The following CDH12 variants were observed in gnomAD, a reference collection of about 807,000 sequenced individuals.
The protein encoded by CDH12 is cadherin-12.
Under a neutral mutation model 74.1 loss-of-function variants are expected in CDH12, and 41 were observed. The observed-to-expected ratio is 0.55, with a 90% CI of 0.43 to 0.72. CDH12 has a LOEUF of 0.72. Among genes scored for constraint, CDH12 ranks in the 30% least tolerant of loss-of-function variants. The probability of loss-of-function intolerance (pLI) is 0.00; values close to 1 mark genes in which losing one functional copy is unlikely to be tolerated. For missense variants in CDH12, 945 were observed against 977.2 expected, an observed-to-expected ratio of 0.97 and a Z score of 0.44; for synonymous variants, 399 against 355.0, an observed-to-expected ratio of 1.12 and a Z score of -1.39.
intron 4 of CDH12, among the ~76,000 whole-genome samples, chr5:22,109,078 A>T (rs905167703): frequency 6.6e-6 from 1 of 152,162 alleles, no homozygotes; most frequent in Non-Finnish European, 1.5e-5. Context: ...AATACTACCT[A>T]CTTTATAAGG....
intron 1 of CDH12, among the ~76,000 whole-genome samples, chr5:22,610,264 G>GA (rs1737329214): frequency 6.6e-6 from 1 of 152,174 alleles, no homozygotes; most frequent in Admixed American, 6.5e-5. Context: ...TGTCTTGGAA[G>GA]ATAGGCTCTT....
intron 1 of CDH12, among the ~76,000 whole-genome samples, chr5:22,682,061 T>C (rs1363448560): frequency 6.6e-6 from 1 of 152,094 alleles, no homozygotes; most frequent in East Asian, 1.9e-4. Context: ...TTCCCAGTAA[T>C]GGAATCACCT....
At chr5:22,731,084 C>A (rs964281815) in intron 1 of CDH12, among the ~76,000 whole-genome samples, 4 of 151,786 alleles carry the variant, frequency 2.6e-5, no homozygotes, top group African/African-American at 7.2e-5. Flanking sequence ...TGGCCTTAAG[C>A]TTTACCACAC....
intron 5 of CDH12, among the ~76,000 whole-genome samples, chr5:22,045,602 C>CAAAA (rs34753862): frequency 0.011 from 1,273 of 112,828 alleles, 10 homozygotes; most frequent in Non-Finnish European, 0.019. Context: ...ACTATTCAGC[C>CAAAA]AAAAAAAAAA....
At chr5:22,369,298 A>C (rs1031808525) in intron 3 of CDH12, among the ~76,000 whole-genome samples, 30 of 152,326 alleles carry the variant, frequency 2.0e-4, no homozygotes, top group East Asian at 7.7e-4. Flanking sequence ...TTTTTAAAGA[A>C]ATATTAAAAT....
intron 2 of CDH12, among the ~76,000 whole-genome samples, chr5:22,498,723 G>C (rs981434864): frequency 1.1e-4 from 17 of 151,562 alleles, no homozygotes; most frequent in Admixed American, 7.2e-4. Context: ...TAATTGACAC[G>C]TAATAATTGT....
chr5:22,050,260 A>G (rs752527017), intron 5 of CDH12, among the ~76,000 whole-genome samples: 7 of 151,880 alleles, frequency 4.6e-5, no homozygotes, highest in Non-Finnish European at 8.8e-5. Context: ...TTCCCCACCT[A>G]TCTTCCCAAC....
chr5:21,806,759 G>T (rs1019577262), intron 9 of CDH12, among the ~76,000 whole-genome samples: 11 of 152,222 alleles, frequency 7.2e-5, no homozygotes, highest in African/African-American at 2.7e-4. Flanking sequence ...AGTGAGGGAA[G>T]TCTAGCATGG....
intron 1 of CDH12, among the ~76,000 whole-genome samples, chr5:22,554,950 T>C (rs1303396820): frequency 6.6e-6 from 1 of 152,096 alleles, no homozygotes; most frequent in East Asian, 1.9e-4. Context: ...TTAAAATTAG[T>C]ACAAAAAGCT....
chr5:22,401,064 C>T (rs888865468), intron 3 of CDH12, among the ~76,000 whole-genome samples: 3 of 152,122 alleles, frequency 2.0e-5, no homozygotes, highest in South Asian at 2.1e-4. Flanking sequence ...ATTATATCTG[C>T]ATTCTTCGTT....
At position 21,751,909 on chromosome 5, in the gene CDH12, G is replaced by T; in HGVS notation, c.2213C>A (p.Thr738Lys). Reference protein sequence around the residue: ...PTAPPYDSLATYAYEGSGSVA... With the variant: ...PTAPPYDSLAKYAYEGSGSVA... ...GGACCCACTCCCTTCGTAGGCATAT[G>T]TGGCCAGTGAATCGTATGGTGGGGC... Residue 738 changes from threonine to lysine, a missense_variant, in exon 15 of 15, where the codon ACA (threonine) becomes AAA (lysine). Coordinates refer to ENST00000382254, the MANE Select transcript of CDH12 (RefSeq NM_004061.5). 1 of 1,614,074 alleles carries T rather than the reference G, an allele frequency of 6.2e-7. No individual in the cohort carries two copies.
At chr5:22,580,165 T>A (rs1397300703) in intron 1 of CDH12, 1 of 284,232 alleles carries the variant, frequency 3.5e-6, no homozygotes, top group Non-Finnish European at 7.0e-6. Context: ...AGGAAGAGGA[T>A]CCAGATGAGG....
At position 22,359,269 on chromosome 5, in the gene CDH12, G is replaced by T. The variant is rs556075535; in HGVS notation, c.-333+45988C>A. On this transcript the variant is annotated intron_variant, in intron 3 of 14. Transcript: ENST00000382254. Reference sequence around the variant, plus strand: ...GCAAATGGAAAACAAAAAAAGGCAGGGGTTGCAATCCTAGTCTCTGAAAAA... The same window carrying T: ...GCAAATGGAAAACAAAAAAAGGCAGTGGTTGCAATCCTAGTCTCTGAAAAA... Among the ~76,000 whole-genome samples the T allele has an allele frequency of 2.0e-5, 3 of 152,146 alleles. No homozygotes were observed. In the South Asian group the frequency reaches 6.2e-4, roughly 32 times the overall value.
intron 3 of CDH12, among the ~76,000 whole-genome samples, chr5:22,231,521 G>T (rs1326866514): frequency 6.6e-6 from 1 of 151,902 alleles, no homozygotes; most frequent in East Asian, 1.9e-4. Flanking sequence ...AAATGCTAGT[G>T]CCAAAATAAC....
At position 21,854,741 on chromosome 5, in the gene CDH12, A is replaced by G. The variant is rs1356395904; in HGVS notation, c.576T>C (p.Tyr192=). The change falls in exon 7 of 15, where the codon TAT becomes TAC. Residue 192 remains tyrosine, a synonymous_variant. Coordinates refer to ENST00000382254, the MANE Select transcript of CDH12 (RefSeq NM_004061.5). ...VKATDADDPT[Y]GNSARVVYSI... is the part of the protein sequence containing the mutation. ...TGTAAACGACTCTGGCACTGTTTCC[A>G]TAGGTCGGGTCATCTGCATCTGTGG... 2.5e-6 allele frequency: 4 copies of G among 1,609,642 alleles called. No individual in the cohort carries two copies. The Admixed American group carries it at 6.7e-5, about 27-fold the overall frequency.
At position 21,802,217 on chromosome 5, in the gene CDH12, G is replaced by C; in HGVS notation, c.1206C>G (p.Ile402Met). 6.2e-7 allele frequency: 1 copy of C among 1,613,886 alleles called. No individual in the cohort carries two copies. The highest frequency in any genetic ancestry group is 1.1e-5 in the South Asian group (1 of 91,086). Residue 402 changes from isoleucine (I) to methionine (M), a missense_variant, in exon 10 of 15, where the codon ATC becomes ATG. Ile to Met is a conservative substitution (Grantham distance 10). Transcript: ENST00000382254. The stretch of plus-strand genomic sequence containing the variant: ...GGTCTTGAGCAGTGACAGCGCCAAT[G>C]ATGGTCCCTACCGGAGTGTCTTCAT... Reference protein sequence around the residue: ...EVYEDTPVGTIIGAVTAQDLD... With the variant: ...EVYEDTPVGTMIGAVTAQDLD...
chr5:22,678,046 G>GCGC (rs1554058351), intron 1 of CDH12, among the ~76,000 whole-genome samples: 5 of 118,994 alleles, frequency 4.2e-5, no homozygotes, highest in African/African-American at 1.7e-4. Context: ...CATCCTCATG[G>GCGC]GGGGGGGGGT....
rs116471689 is a variant in CDH12, at chr5:22,169,341, C to A, written c.-187+43157G>T. Among the ~76,000 whole-genome samples, 8 of 152,104 alleles carry A rather than the reference C, an allele frequency of 5.3e-5. No homozygotes were observed. The East Asian group carries it at 1.5e-3, about 29-fold the overall frequency. Reference sequence around the variant, plus strand: ...CAATCACACTAACCTGCTTACTGAGCCAAAGTTCTTCCTTACAGTTGAGAA... The same window carrying A: ...CAATCACACTAACCTGCTTACTGAGACAAAGTTCTTCCTTACAGTTGAGAA... On this transcript the variant is annotated intron_variant, in intron 4 of 14. Coordinates refer to ENST00000382254, the MANE Select transcript of CDH12 (RefSeq NM_004061.5).
At chr5:22,231,812 C>CATCATTATG (rs1190856841) in intron 3 of CDH12, among the ~76,000 whole-genome samples, 3 of 151,768 alleles carry the variant, frequency 2.0e-5, no homozygotes, top group Non-Finnish European at 4.4e-5. Context: ...TAAAATCAAC[C>CATCATTATG]ATCATTATGA....
Sources: gnomAD v4.1 joint callset for allele counts (sites outside exome capture counted in the v4.1 genomes callset) on GRCh38, gnomAD v4.1.1 for gene constraint, MANE v1.5 for transcripts, NCBI Gene and HGNC (gene_info 2026-07-23, HGNC 2026-07-21) for gene names.